Variants in NTNG2 observed in about 807,000 individuals in gnomAD.
NTNG2 encodes netrin-G2.
A neutral mutation model predicts 47.6 loss-of-function variants in NTNG2; 15 were observed. That is an observed-to-expected ratio of 0.32 (90% confidence interval 0.21 to 0.49). NTNG2 has a LOEUF of 0.49. Among genes scored for constraint, NTNG2 ranks in the 20% least tolerant of loss-of-function variants. The probability of loss-of-function intolerance (pLI) is 0.99; values close to 1 mark genes in which losing one functional copy is unlikely to be tolerated. For synonymous variants in NTNG2, 307 were observed against 324.6 expected, an observed-to-expected ratio of 0.95 and a Z score of 0.58; for missense variants, 578 against 764.6, an observed-to-expected ratio of 0.76 and a Z score of 2.88.
Position 132,242,104 on chromosome 9 carries a change from G to T in NTNG2, c.1586G>T (p.Gly529Val). ...LLLLGLAARL[G>V]R ...CTGCTGGGGCTGGCCGCCCGCCTGG[G>T]CCGCTGAGCCCCGCCCGGAGGACGC... is the stretch of plus-strand genomic sequence containing the variant. Residue 529 changes from glycine to valine, a missense_variant, in exon 8 of 8, where the codon GGC becomes GTC. Coordinates refer to ENST00000393229, the MANE Select transcript of NTNG2 (RefSeq NM_032536.4). The surrounding 1 kb of genome is among the most constrained non-coding windows in gnomAD (Gnocchi z 5.9). The T allele has an allele frequency of 8.7e-7, 1 of 1,147,828 alleles. No individual in the cohort carries two copies. Among genetic ancestry groups the T allele is most frequent in the East Asian group, 4.5e-5 (1 of 22,422 alleles). The allele number at this position is 1,147,828 out of a possible 1,614,324, so 71.1% of individuals were successfully genotyped here.
intron 2 of NTNG2, among the ~76,000 whole-genome samples, chr9:132,173,191 G>C (rs1428830534): frequency 1.3e-5 from 2 of 152,210 alleles, no homozygotes; most frequent in African/African-American, 2.4e-5. Context: ...AAGTGACTTC[G>C]GCACCTGAGC....
intron 2 of NTNG2, among the ~76,000 whole-genome samples, chr9:132,172,130 C>G (rs371201038): frequency 6.6e-6 from 1 of 152,232 alleles, no homozygotes; most frequent in Admixed American, 6.5e-5. Context: ...AGCCTTGGCC[C>G]GTGCTGTCTC....
At chr9:132,179,844 G>A (rs556205539) in intron 2 of NTNG2, among the ~76,000 whole-genome samples, 2 of 152,204 alleles carry the variant, frequency 1.3e-5, no homozygotes, top group Non-Finnish European at 2.9e-5. Flanking sequence ...TGTCACACAG[G>A]AGTTCGAATG....
chr9:132,195,740 A>C (rs1452903349), intron 2 of NTNG2, among the ~76,000 whole-genome samples: 1 of 148,654 alleles, frequency 6.7e-6, no homozygotes, highest in African/African-American at 2.5e-5. Flanking sequence ...AGCAATCTCC[A>C]GCCCCAGCCT....
rs760667088 is a variant in NTNG2, at chr9:132,241,061, C to A, written c.1357+17C>A. 5 of 1,583,656 alleles carry A rather than the reference C, an allele frequency of 3.2e-6. No individual in the cohort carries two copies. The highest frequency in any genetic ancestry group is 4.3e-6 in the Non-Finnish European group (5 of 1,170,916). On this transcript the variant is annotated intron_variant, in intron 7 of 7. Transcript: ENST00000393229. Reference sequence around the variant, plus strand: ...GCTGCTACCGTGAGTGCGCGCCGTCCCCCGTGGGCGGGGCCTGCGGAAAGG... The same window carrying A: ...GCTGCTACCGTGAGTGCGCGCCGTCACCCGTGGGCGGGGCCTGCGGAAAGG...
intron 2 of NTNG2, among the ~76,000 whole-genome samples, chr9:132,177,714 G>A (rs957623230): frequency 6.6e-5 from 10 of 152,192 alleles, no homozygotes; most frequent in African/African-American, 9.7e-5. Flanking sequence ...CTGGAGTGCA[G>A]TGGTGCGATC....
At chr9:132,183,211 A>C (rs548258575) in intron 2 of NTNG2, among the ~76,000 whole-genome samples, 2 of 152,054 alleles carry the variant, frequency 1.3e-5, no homozygotes, top group East Asian at 3.9e-4. Context: ...AGGGCCACTT[A>C]AGCCCTCACA....
At chr9:132,241,245 G>A (rs892381264) in intron 7 of NTNG2, among the ~76,000 whole-genome samples, 4 of 151,794 alleles carry the variant, frequency 2.6e-5, no homozygotes, top group Admixed American at 1.3e-4. Flanking sequence ...GGCAGGGCCG[G>A]GGCAGTGGGT....
chr9:132,241,454 T>C (rs1382198303), intron 7 of NTNG2: 2 of 321,942 alleles, frequency 6.2e-6, no homozygotes, highest in Non-Finnish European at 1.2e-5. Context: ...TGAGGCACGG[T>C]GGTGCCTGGT....
intron 2 of NTNG2, among the ~76,000 whole-genome samples, chr9:132,194,871 A>G (rs1838164849): frequency 6.6e-6 from 1 of 152,246 alleles, no homozygotes; most frequent in South Asian, 2.1e-4. Flanking sequence ...CGGCTGCTGC[A>G]GTGGCACCTG....
In NTNG2 at chr9:132,243,787, G is replaced by C. The variant is rs937186419; in HGVS notation, c.*1676G>C. 3 of 152,360 alleles carry C rather than the reference G, an allele frequency of 2.0e-5. No individual in the cohort carries two copies. Among genetic ancestry groups the C allele is most frequent in the Non-Finnish European group, 4.4e-5 (3 of 68,150 alleles). The allele number at this position is 152,360 out of a possible 1,614,324, so 9.4% of individuals were successfully genotyped here. ...CAGGAGATTACAACACAGAAAAGGA[G>C]GGGGAGGCACAACGGGACACTGCAT... On this transcript the variant is annotated 3_prime_UTR_variant, in exon 8 of 8. Transcript: ENST00000393229.
chr9:132,183,598 A>C (rs1483190691), intron 2 of NTNG2, among the ~76,000 whole-genome samples: 1 of 152,204 alleles, frequency 6.6e-6, no homozygotes, highest in Non-Finnish European at 1.5e-5. Flanking sequence ...ACCAGGACAC[A>C]GGTGACTTCT....
intron 2 of NTNG2, among the ~76,000 whole-genome samples, chr9:132,196,624 T>G (rs1211637233): frequency 2.0e-5 from 3 of 152,226 alleles, no homozygotes; most frequent in Admixed American, 6.5e-5. Flanking sequence ...ACCACTACGT[T>G]AGTGACATTT....
chr9:132,188,767 C>T (rs1837604760), intron 2 of NTNG2, among the ~76,000 whole-genome samples: 1 of 152,284 alleles, frequency 6.6e-6, no homozygotes, highest in South Asian at 2.1e-4. Flanking sequence ...ATTCCTATGA[C>T]AACCCTGTGA....
chr9:132,186,182 G>A (rs955868691), intron 2 of NTNG2, among the ~76,000 whole-genome samples: 2 of 152,164 alleles, frequency 1.3e-5, no homozygotes, highest in African/African-American at 2.4e-5. Flanking sequence ...AACCCCTGTC[G>A]CTAGAGGTAT....
In NTNG2 at chr9:132,167,040, C is replaced by A; in HGVS notation, c.209C>A (p.Ser70Tyr). The change falls in exon 2 of 8, where the codon TCC becomes TAC. Residue 70 changes from serine (S) to tyrosine (Y), a missense_variant. Coordinates refer to ENST00000393229, the MANE Select transcript of NTNG2 (RefSeq NM_032536.4). Reference sequence around the variant, plus strand: ...GGAGACCCCCCTGAGAGGTTCTGCTCCCATGTAAGTCCACTTACTGCTCTT... The same window carrying A: ...GGAGACCCCCCTGAGAGGTTCTGCTACCATGTAAGTCCACTTACTGCTCTT... ...TCGDPPERFC[S>Y]HENPYLCSNE... 6.2e-7 allele frequency: 1 copy of A among 1,614,114 alleles called. No homozygotes were observed. Among genetic ancestry groups the A allele is most frequent in the South Asian group, 1.1e-5 (1 of 91,078 alleles).
At chr9:132,183,055 G>A (rs965578606) in intron 2 of NTNG2, among the ~76,000 whole-genome samples, 4 of 152,268 alleles carry the variant, frequency 2.6e-5, no homozygotes, top group South Asian at 4.1e-4. Flanking sequence ...GCATCTTGTC[G>A]TCTTAAAACT....
In NTNG2 at chr9:132,162,924, G is replaced by T. The variant is rs1835187814; in HGVS notation, c.-484+685G>T. ...CGCAGGTGGGGGGAGCAGAGGCGGC[G>T]GGAAGGCGGGAAGAGAGGACCGCGG... is the stretch of plus-strand genomic sequence containing the variant. On this transcript the variant is annotated intron_variant, in intron 1 of 7. Coordinates refer to ENST00000393229, the MANE Select transcript of NTNG2 (RefSeq NM_032536.4). This position sits in a 1 kb window ranked among gnomAD's most constrained non-coding sequence, Gnocchi z 4.6. Among the ~76,000 whole-genome samples the T allele has an allele frequency of 6.6e-6, 1 of 152,130 alleles. No individual in the cohort carries two copies. Among genetic ancestry groups the T allele is most frequent in the African/African-American group, 2.4e-5 (1 of 41,432 alleles).
At position 132,226,897 on chromosome 9, in the gene NTNG2, C is replaced by G. The variant is rs1266142366; in HGVS notation, c.906C>G (p.Ser302Arg). ...HANLCSMREG[S>R]LQCECEHNTT... ...ACCTGTGCTCCATGCGCGAGGGCAG[C>G]CTGCAGTGCGAGTGCGAGCACAACA... Residue 302 changes from serine (S) to arginine (R), a missense_variant, in exon 4 of 8, where the codon AGC becomes AGG. Transcript: ENST00000393229. The surrounding 1 kb of genome is among the most constrained non-coding windows in gnomAD (Gnocchi z 4.8). The G allele has an allele frequency of 9.3e-6, 15 of 1,612,402 alleles. No homozygotes were observed. The highest frequency in any genetic ancestry group is 1.1e-5 in the Non-Finnish European group (13 of 1,179,518).
Sources: gnomAD v4.1 joint callset for allele counts (sites outside exome capture counted in the v4.1 genomes callset) on GRCh38, gnomAD v4.1.1 for gene constraint, Gnocchi (gnomAD v3.1) non-coding constraint, MANE v1.5 for transcripts, NCBI Gene and HGNC (gene_info 2026-07-23, HGNC 2026-07-21) for gene names.